FBN2: variants seen among roughly 807,000 people sequenced by gnomAD.
The protein encoded by FBN2 is fibrillin-2.
FBN2 carries 105 observed loss-of-function variants against 355.6 expected under a neutral mutation model. That is an observed-to-expected ratio of 0.30 (90% CI 0.25 to 0.35). The LOEUF is 0.35. FBN2 is among the 10% of genes least tolerant of loss of function. The pLI is 1.00. For synonymous variants in FBN2, 1,350 were observed against 1,301.2 expected (o/e 1.04, Z -0.81); for missense variants, 3,280 against 3,758.7 (o/e 0.87, Z 3.33).
intron 19 of FBN2, 104 bp downstream of exon 19, chr5:128,361,619 T>C (rs1751639217): frequency 3.6e-6 from 5 of 1,393,048 alleles, no homozygotes; most frequent in Admixed American, 1.7e-5. Context: ...AATAAAATAT[T>C]CAAACAATAT....
At chr5:128,264,626 T>C (rs1765072453) in intron 62 of FBN2, among the ~76,000 whole-genome samples, 1 of 152,256 alleles carries the variant, frequency 6.6e-6, no homozygotes, top group Non-Finnish European at 1.5e-5. Context: ...GCTTTTTTTA[T>C]AATCCAAATT....
rs756700088 is a variant in FBN2, at chr5:128,304,978, G to T, written c.5779C>A (p.Gln1927Lys). The T allele has an allele frequency of 5.0e-6, 8 of 1,613,864 alleles. No individual in the cohort carries two copies. The African/African-American group carries it at 1.1e-4, about 22-fold the overall frequency. Residue 1927 changes from glutamine (Q) to lysine (K), a missense_variant, in exon 45 of 65, where the codon CAG becomes AAG. By Grantham distance (53) the Gln-to-Lys change is moderately conservative. Coordinates refer to ENST00000262464, the MANE Select transcript of FBN2 (RefSeq NM_001999.4). ...CICHNGFKAS[Q>K]DQTMCMDVDE... ...TTACCCATGCACATGGTCTGGTCCT[G>T]AGAAGCCTTAAAGCCATTGTGGCAG...
chr5:128,395,337 CTG>C, intron 8 of FBN2, 63 bp from the exon 9 acceptor site: 1 of 1,568,814 alleles, frequency 6.4e-7, no homozygotes. Context: ...ACAACAATCA[CTG>C]TACATGAGAT....
intron 5 of FBN2, among the ~76,000 whole-genome samples, chr5:128,469,766 G>C (rs1754807640): frequency 6.6e-6 from 1 of 152,156 alleles, no homozygotes; most frequent in Non-Finnish European, 1.5e-5. Flanking sequence ...GAGTAAGCAA[G>C]AGATACCAAA....
At chr5:128,301,003 T>C in intron 47 of FBN2, 67 bp from the exon 48 acceptor site, 1 of 1,463,558 alleles carries the variant, frequency 6.8e-7, no homozygotes, top group Non-Finnish European at 9.5e-7. Context: ...TTTATCTGTC[T>C]GCCAAATGAT....
Position 128,537,719 on chromosome 5 carries a change from C to T in FBN2, c.-116G>A. 1 of 1,022,412 alleles carries T rather than the reference C, an allele frequency of 9.8e-7. No individual in the cohort carries two copies. Among genetic ancestry groups the T allele is most frequent in the Non-Finnish European group, 1.5e-6 (1 of 683,328 alleles). 63.3% of individuals were successfully genotyped at this position (1,022,412 alleles called of 1,614,324 possible). A position where few individuals can be genotyped will look rare whatever the true frequency, so the allele number is the denominator to read the frequency against. On this transcript the variant is annotated 5_prime_UTR_variant, in exon 1 of 65. Transcript: ENST00000262464. ...ATAAGCCCTTCGTCGGCTCCGGGGA[C>T]TCCCTCGGGCTCGGGCTCCCTGCTC...
intron 34 of FBN2, among the ~76,000 whole-genome samples, chr5:128,322,250 T>C (rs1057397104): frequency 1.3e-5 from 2 of 152,208 alleles, no homozygotes; most frequent in Non-Finnish European, 1.5e-5. Context: ...TTCACTCTGA[T>C]GATAGTTTCT....
chr5:128,506,162 T>A (rs1004579511), intron 5 of FBN2, among the ~76,000 whole-genome samples: 3 of 152,144 alleles, frequency 2.0e-5, no homozygotes, highest in African/African-American at 7.2e-5. Context: ...ACATTGAAAA[T>A]CACAATGAGA....
At chr5:128,516,750 C>A (rs904497623) in intron 5 of FBN2, among the ~76,000 whole-genome samples, 11 of 152,024 alleles carry the variant, frequency 7.2e-5, no homozygotes, top group African/African-American at 2.4e-4. Context: ...GCTAACAGGG[C>A]ACATGAGCTT....
intron 1 of FBN2, 69 bp from the exon 2 acceptor site, chr5:128,536,553 T>A: frequency 1.9e-6 from 2 of 1,055,188 alleles, no homozygotes; most frequent in Non-Finnish European, 2.9e-6. Context: ...ACGGTCTTCG[T>A]AAGCAATGCC....
At chr5:128,493,765 A>G (rs573053573) in intron 5 of FBN2, among the ~76,000 whole-genome samples, 2 of 152,318 alleles carry the variant, frequency 1.3e-5, no homozygotes, top group East Asian at 3.9e-4. Flanking sequence ...CTAGGGCTAA[A>G]TTAGCATCAT....
chr5:128,290,913 G>T (rs1428563442), intron 49 of FBN2, 29 bp from the exon 50 acceptor site: 2 of 1,603,522 alleles, frequency 1.2e-6, no homozygotes, highest in Admixed American at 1.7e-5. Context: ...ATTACAGATG[G>T]AATTATTTTG....
At chr5:128,467,456 G>A (rs1328096281) in intron 5 of FBN2, among the ~76,000 whole-genome samples, 1 of 151,922 alleles carries the variant, frequency 6.6e-6, no homozygotes, top group Non-Finnish European at 1.5e-5. Context: ...TGTAAAATAA[G>A]AACAAATACT....
rs77888452 is a variant in FBN2, at chr5:128,513,400, C to A, written c.628+5873G>T. ...CAATTAACCTCTAATGTCTTTTAAT[C>A]CGATGTTGAAACAGGAAAACAAGAA... On this transcript the variant is annotated intron_variant, in intron 5 of 64. Transcript: ENST00000262464. Among the ~76,000 whole-genome samples, 218 of 152,232 alleles carry A rather than the reference C, an allele frequency of 1.4e-3. 4 individuals carry two copies. The East Asian group carries it at 0.036, about 25-fold the overall frequency.
chr5:128,309,953 C>A, intron 40 of FBN2, 30 bp downstream of exon 40: 1 of 1,611,206 alleles, frequency 6.2e-7, no homozygotes, highest in Non-Finnish European at 8.5e-7. Context: ...AACAACTGTG[C>A]TCTAATTAAT....
At chr5:128,393,929 A>C (rs1195861124) in intron 9 of FBN2, among the ~76,000 whole-genome samples, 3 of 151,716 alleles carry the variant, frequency 2.0e-5, no homozygotes, top group Non-Finnish European at 3.0e-5. Flanking sequence ...GAGAAGCAAG[A>C]AGATAGCAAT....
Position 128,345,345 on chromosome 5 carries a change from G to T in FBN2, c.3217+12C>A, listed in dbSNP as rs375688726. 359 of 1,606,642 alleles carry T rather than the reference G, an allele frequency of 2.2e-4. 5 individuals carry two copies. The South Asian group carries it at 2.8e-3, about 12-fold the overall frequency. On this transcript the variant is annotated intron_variant, in intron 24 of 64. Coordinates refer to ENST00000262464, the MANE Select transcript of FBN2 (RefSeq NM_001999.4). ...GTGAAGAAGGACCAAGGCGCTGGCCGCAGGCAGTTACCTTTGTAAAATGGC... is the reference window on the plus strand; with the variant it reads ...GTGAAGAAGGACCAAGGCGCTGGCCTCAGGCAGTTACCTTTGTAAAATGGC...
chr5:128,328,558 C>T (rs868222334), intron 34 of FBN2, 138 bp downstream of exon 34: 42 of 916,460 alleles, frequency 4.6e-5, no homozygotes, highest in African/African-American at 4.6e-4. Flanking sequence ...AAATAATCCA[C>T]GCTTAAACGA....
Position 128,338,941 on chromosome 5 carries a change from T to C in FBN2, c.3464A>G (p.Asn1155Ser), listed in dbSNP as rs150224718. The change falls in exon 26 of 65, where the codon AAC becomes AGC. Residue 1155 changes from asparagine to serine, a missense_variant. Physicochemically the swap from Asn to Ser is conservative, Grantham distance 46. Around this residue, in one of 6 missense-constraint regions of FBN2, gnomAD observed 2,284 missense variants for 2,749.5 expected, o/e 0.83. Transcript: ENST00000262464. ...GAGCTCACGGTGCTTACCCATGCAG[T>C]TCTTCATCATCATGAAGCCACTTTC... ...GYESGFMMMK[N>S]CMDIDECERN... The C allele has an allele frequency of 1.1e-4, 174 of 1,614,054 alleles. No homozygotes were observed. Among genetic ancestry groups the C allele is most frequent in the Non-Finnish European group, 1.5e-4 (172 of 1,179,920 alleles).
Sources: allele counts gnomAD v4.1 joint callset (sites outside exome capture counted in the v4.1 genomes callset), GRCh38; gene constraint gnomAD v4.1.1; regional missense constraint gnomAD v4.1.1; transcripts MANE v1.5; gene names NCBI Gene and HGNC (gene_info 2026-07-23, HGNC 2026-07-21).